Variants in LUC7L2 observed in about 807,000 individuals in gnomAD.
LUC7L2 encodes the protein putative RNA-binding protein Luc7-like 2.
LUC7L2 carries 25 observed loss-of-function variants against 52.8 expected under a neutral mutation model. That is an observed-to-expected ratio of 0.47 (90% confidence interval 0.34 to 0.66). The LOEUF (loss-of-function observed/expected upper bound fraction) is 0.66, where lower values mean the gene tolerates loss of function less well. Among genes scored for constraint, LUC7L2 ranks in the 30% least tolerant of loss-of-function variants. The pLI is 0.01. For synonymous variants in LUC7L2, 144 were observed against 160.9 expected (o/e 0.89, Z 0.80); for missense variants, 328 against 497.8 (o/e 0.66, Z 3.25).
At chr7:139,395,676 T>TGTC (rs1794628569) in intron 2 of LUC7L2, among the ~76,000 whole-genome samples, 1 of 152,214 alleles carries the variant, frequency 6.6e-6, no homozygotes, top group African/African-American at 2.4e-5. Flanking sequence ...GGTCTAGCTC[T>TGTC]GTCACCCAGG....
At chr7:139,378,900 A>G (rs1203000956) in intron 2 of LUC7L2, among the ~76,000 whole-genome samples, 1 of 152,184 alleles carries the variant, frequency 6.6e-6, no homozygotes, top group Non-Finnish European at 1.5e-5. Context: ...TAATCCTCCT[A>G]CTTCAGCCTT....
chr7:139,353,323 A>C (rs1473699638), intron 1 of LUC7L2, among the ~76,000 whole-genome samples: 1 of 152,226 alleles, frequency 6.6e-6, no homozygotes, highest in Non-Finnish European at 1.5e-5. Context: ...CAATAAATTG[A>C]AGGGTTGTCT....
intron 2 of LUC7L2, among the ~76,000 whole-genome samples, chr7:139,394,554 TG>T (rs1794581195): frequency 6.6e-6 from 1 of 152,232 alleles, no homozygotes; most frequent in South Asian, 2.1e-4. Flanking sequence ...GAGACAGAGA[TG>T]TTTAGGTTAA....
intron 7 of LUC7L2, 78 bp from the exon 8 acceptor site, chr7:139,412,473 A>G (rs1422330283): frequency 6.7e-6 from 10 of 1,494,526 alleles, no homozygotes; most frequent in Non-Finnish European, 9.1e-6. Context: ...ATTAGAAATC[A>G]GGAAGAATAT....
chr7:139,393,097 A>G (rs1297223655), intron 2 of LUC7L2, among the ~76,000 whole-genome samples: 3 of 151,878 alleles, frequency 2.0e-5, no homozygotes, highest in Non-Finnish European at 4.4e-5. Flanking sequence ...TGAAACCCCA[A>G]CTCTACTAAA....
At chr7:139,384,022 G>C (rs1290448071) in intron 2 of LUC7L2, among the ~76,000 whole-genome samples, 1 of 152,064 alleles carries the variant, frequency 6.6e-6, no homozygotes, top group Non-Finnish European at 1.5e-5. Flanking sequence ...AAAGTGCTGG[G>C]ATTACAGGTG....
intron 2 of LUC7L2, among the ~76,000 whole-genome samples, chr7:139,397,186 T>C (rs943784292): frequency 2.0e-5 from 3 of 152,188 alleles, no homozygotes; most frequent in Admixed American, 1.3e-4. Context: ...TAAATAAATA[T>C]TTTAAAGATC....
At chr7:139,393,404 T>G (rs1286889120) in intron 2 of LUC7L2, among the ~76,000 whole-genome samples, 1 of 152,016 alleles carries the variant, frequency 6.6e-6, no homozygotes, top group Non-Finnish European at 1.5e-5. Flanking sequence ...TACTCCAGAC[T>G]GGGGGACAGA....
In LUC7L2 at chr7:139,406,374, A is replaced by G. The variant is rs997574615; in HGVS notation, c.510+587A>G. ...GGCCTTTTTTTTTTTTTTTTTTAAGACAGAGTCTTACTCTCTCTCCAAGGC... is the reference window on the plus strand; with the variant it reads ...GGCCTTTTTTTTTTTTTTTTTTAAGGCAGAGTCTTACTCTCTCTCCAAGGC... On this transcript the variant is annotated intron_variant, in intron 5 of 9. Coordinates refer to ENST00000354926, the MANE Select transcript of LUC7L2 (RefSeq NM_016019.5). Among the ~76,000 whole-genome samples the G allele has an allele frequency of 2.6e-4, 36 of 136,932 alleles. 1 individual carries two copies. The Admixed American group carries it at 2.7e-3, about 10-fold the overall frequency. 89.8% of individuals were successfully genotyped at this position (136,932 alleles called of 152,430 possible). A position where few individuals can be genotyped will look rare whatever the true frequency, so the allele number is the denominator to read the frequency against.
intron 2 of LUC7L2, among the ~76,000 whole-genome samples, chr7:139,397,611 T>C (rs1794719055): frequency 6.6e-6 from 1 of 152,172 alleles, no homozygotes; most frequent in African/African-American, 2.4e-5. Context: ...AGTTGGAAAA[T>C]CTCCGCCTTG....
intron 2 of LUC7L2, 81 bp downstream of exon 2, chr7:139,376,237 A>AC: frequency 3.5e-6 from 5 of 1,412,832 alleles, no homozygotes; most frequent in Non-Finnish European, 4.9e-6. Context: ...ATTCTGTGTC[A>AC]AAAGAATTGA....
intron 1 of LUC7L2, among the ~76,000 whole-genome samples, chr7:139,362,020 A>AATAT (rs60907887): frequency 1.4e-4 from 22 of 151,772 alleles, no homozygotes; most frequent in Non-Finnish European, 2.4e-4. Flanking sequence ...GCTAAATTTA[A>AATAT]ATATATATAT....
chr7:139,414,706 A>G (rs1275072549), intron 8 of LUC7L2, among the ~76,000 whole-genome samples: 1 of 151,902 alleles, frequency 6.6e-6, no homozygotes. Context: ...GCTTTTTCCC[A>G]CCTCAGGGAC....
At chr7:139,412,825 TAAAAAAAA>T (rs10593094) in intron 8 of LUC7L2, 8 of 122,452 alleles carry the variant, frequency 6.5e-5, no homozygotes, top group Non-Finnish European at 1.0e-4. Flanking sequence ...ACTCTGTCTT[TAAAAAAAA>T]AAAAAAAAAA....
In LUC7L2 at chr7:139,340,823, C is replaced by T. The variant is rs547465452; in HGVS notation, c.-26+306C>T. Among the ~76,000 whole-genome samples the T allele has an allele frequency of 2.7e-5, 4 of 149,722 alleles. No individual in the cohort carries two copies. In the South Asian group the frequency reaches 6.4e-4, roughly 24 times the overall value. On this transcript the variant is annotated intron_variant, in intron 1 of 10. Transcript: ENST00000541170. ...CCTTTCTAAACAAAGCGAAATATGC[C>T]AACTTTACTTTTTTTTTTTTTAAAT... is the stretch of plus-strand genomic sequence containing the variant.
intron 8 of LUC7L2, chr7:139,416,092 A>ATATATAT (rs1795602939): frequency 1.0e-5 from 1 of 98,136 alleles, no homozygotes; most frequent in Non-Finnish European, 2.4e-5. Flanking sequence ...TATATATATG[A>ATATATAT]TTTACTCTGA....
intron 2 of LUC7L2, among the ~76,000 whole-genome samples, chr7:139,379,045 C>T (rs779880178): frequency 9.2e-5 from 14 of 152,060 alleles, no homozygotes; most frequent in South Asian, 2.1e-4. Flanking sequence ...TTAGTAGAGA[C>T]GGGGTTTCAC....
intron 1 of LUC7L2, among the ~76,000 whole-genome samples, chr7:139,364,661 C>T (rs1347728527): frequency 6.6e-6 from 1 of 152,168 alleles, no homozygotes; most frequent in Non-Finnish European, 1.5e-5. Context: ...AAGCCATTTA[C>T]TTGTTGCTAA....
intron 1 of LUC7L2, among the ~76,000 whole-genome samples, chr7:139,346,480 A>G (rs1047408691): frequency 6.6e-6 from 1 of 152,222 alleles, no homozygotes; most frequent in African/African-American, 2.4e-5. Context: ...GGCAGGAAAT[A>G]GGTGGCACAC....
Sources: gnomAD v4.1 joint callset for allele counts (sites outside exome capture counted in the v4.1 genomes callset) on GRCh38, gnomAD v4.1.1 for gene constraint, MANE v1.5 for transcripts, NCBI Gene and HGNC (gene_info 2026-07-23, HGNC 2026-07-21) for gene names.